RPS15: variants seen among roughly 807,000 people sequenced by gnomAD.
RPS15 encodes the protein ribosomal protein S15.
Under a neutral mutation model 14.9 loss-of-function variants are expected in RPS15, and 5 were observed. The ratio of observed to expected loss-of-function variants is 0.34; its 90% CI spans 0.18 to 0.70. The LOEUF (loss-of-function observed/expected upper bound fraction) is 0.70. Among genes scored for constraint, RPS15 ranks in the 30% least tolerant of loss-of-function variants. The probability of loss-of-function intolerance (pLI) is 0.65; values close to 1 mark genes in which losing one functional copy is unlikely to be tolerated. For synonymous variants in RPS15, 103 were observed against 85.0 expected (o/e 1.21, Z -1.16); for missense variants, 102 against 204.2 (o/e 0.50, Z 3.05).
intron 2 of RPS15, 113 bp downstream of exon 2, chr19:1,439,005 TC>T (rs2083631847): frequency 4.8e-6 from 4 of 829,164 alleles, no homozygotes; most frequent in Non-Finnish European, 7.4e-6. Context: ...GCGGGCACGG[TC>T]TCCGCGCGGG....
Position 1,440,044 on chromosome 19 carries a change from G to A in RPS15, c.115G>A (p.Ala39Thr). 6.4e-7 allele frequency: 1 copy of A among 1,555,206 alleles called. No individual in the cohort carries two copies. The highest frequency in any genetic ancestry group is 8.7e-7 in the Non-Finnish European group (1 of 1,150,360). The change falls in exon 3 of 4, where the codon GCG becomes ACG. Residue 39 changes from alanine to threonine, a missense_variant. Ala to Thr is a moderately conservative substitution (Grantham distance 58, BLOSUM62 0). Transcript: ENST00000592588. Reference protein sequence around the residue: ...SYEQLMQLYSARQRRRLNRGL... With the variant: ...SYEQLMQLYSTRQRRRLNRGL... ...CGAGCAGCTGATGCAGCTGTACAGT[G>A]CGCGCCAGCGGCGGCGGCTGAACCG...
rs781757829 is a variant in RPS15 at position 1,438,502 on chromosome 19, C to T, written c.3+74C>T. ...CCAACCTCTGACCGTCTCGCGGGGGCCGCAGTTCGTCCCCGCGGCTACGGC... is the reference window on the plus strand; with the variant it reads ...CCAACCTCTGACCGTCTCGCGGGGGTCGCAGTTCGTCCCCGCGGCTACGGC... On this transcript the variant is annotated intron_variant, in intron 1 of 3. Coordinates refer to ENST00000592588, the MANE Select transcript of RPS15 (RefSeq NM_001018.5). The surrounding 1 kb of genome is among the most constrained non-coding windows in gnomAD (Gnocchi z 4.8). 1.1e-5 allele frequency: 17 copies of T among 1,611,024 alleles called. No individual in the cohort carries two copies. Among genetic ancestry groups the T allele is most frequent in the Non-Finnish European group, 1.4e-5 (16 of 1,179,024 alleles).
In RPS15 at chr19:1,438,989, C is replaced by G; in HGVS notation, c.89+97C>G. The G allele has an allele frequency of 6.4e-5, 36 of 564,178 alleles. No homozygotes were observed. The highest frequency in any genetic ancestry group is 1.0e-4 in the Non-Finnish European group (33 of 331,026). 34.9% of individuals were successfully genotyped at this position (564,178 alleles called of 1,614,324 possible). A position where few individuals can be genotyped will look rare whatever the true frequency, so the allele number is the denominator to read the frequency against. ...GGCGGGGGTCCAAGCGCCTCTGCGG[C>G]GGTGGGCGGGCACGGTCTCCGCGCG... On this transcript the variant is annotated intron_variant, in intron 2 of 3. Coordinates refer to ENST00000592588, the MANE Select transcript of RPS15 (RefSeq NM_001018.5). The surrounding 1 kb of genome is among the most constrained non-coding windows in gnomAD (Gnocchi z 4.8).
At position 1,440,042 on chromosome 19, in the gene RPS15, G is replaced by C. The variant is rs1317965614; in HGVS notation, c.113G>C (p.Ser38Thr). ...MSYEQLMQLY[S>T]ARQRRRLNRG... ...AGCGAGCAGCTGATGCAGCTGTACA[G>C]TGCGCGCCAGCGGCGGCGGCTGAAC... The change falls in exon 3 of 4, where the codon AGT becomes ACT. Residue 38 changes from serine to threonine, a missense_variant. By Grantham distance (58) the Ser-to-Thr change is moderately conservative. Transcript: ENST00000592588. The C allele has an allele frequency of 1.3e-6, 2 of 1,554,876 alleles. No individual in the cohort carries two copies. Among genetic ancestry groups the C allele is most frequent in the Admixed American group, 3.9e-5 (2 of 51,180 alleles).
rs143956571 is a variant in RPS15 at position 1,439,209 on chromosome 19, C to G, written c.89+317C>G. ...TAGATTTTAAGGGCGGTGGAGGTCG[C>G]TGGGTCCTTTCCAGGCAGGGTGGTG... On this transcript the variant is annotated intron_variant, in intron 2 of 3. Transcript: ENST00000592588. 1.8e-3 allele frequency: 640 copies of G among 353,272 alleles called. 8 individuals carry two copies. In the East Asian group the frequency reaches 0.019, roughly 11 times the overall value. 21.9% of individuals were successfully genotyped at this position (353,272 alleles called of 1,614,324 possible). A position where few individuals can be genotyped will look rare whatever the true frequency, so the allele number is the denominator to read the frequency against.
Position 1,438,816 on chromosome 19 carries a change from G to C in RPS15, c.13G>C (p.Glu5Gln). The C allele has an allele frequency of 6.3e-7, 1 of 1,593,982 alleles. No homozygotes were observed. Among genetic ancestry groups the C allele is most frequent in the East Asian group, 2.3e-5 (1 of 43,850 alleles). Residue 5 changes from glutamate (E) to glutamine (Q), a missense_variant, in exon 2 of 4, where the codon GAG (glutamate) becomes CAG (glutamine). Glu to Gln is a conservative substitution (Grantham distance 29, BLOSUM62 2). This residue lies in a region of RPS15 where 70 missense variants were observed against 96.8 expected (regional missense o/e 0.72). Coordinates refer to ENST00000592588, the MANE Select transcript of RPS15 (RefSeq NM_001018.5). The surrounding 1 kb of genome is among the most constrained non-coding windows in gnomAD (Gnocchi z 4.8). ...ATCCGCGCCCGCACAGGCAGAAGTA[G>C]AGCAGAAGAAGAAGCGGACCTTCCG... The part of the protein sequence containing the change: MAEV[E>Q]QKKKRTFRKF...
rs746748321 is a variant in RPS15, at chr19:1,438,697, C to T, written c.4-110C>T. On this transcript the variant is annotated intron_variant, in intron 1 of 3. Coordinates refer to ENST00000592588, the MANE Select transcript of RPS15 (RefSeq NM_001018.5). This position sits in a 1 kb window ranked among gnomAD's most constrained non-coding sequence, Gnocchi z 4.8. ...ACGGGTCGAAGCGGTGTGTCCCTGT[C>T]GGGCTTCTGTCCCCGGCGGCGCCGC... 71 of 1,531,398 alleles carry T rather than the reference C, an allele frequency of 4.6e-5. No homozygotes were observed. In the African/African-American group the frequency reaches 8.3e-4, roughly 18 times the overall value. The allele number at this position is 1,531,398 out of a possible 1,614,324, so 94.9% of individuals were successfully genotyped here.
chr19:1,438,710 C>CCAG lies in RPS15; in HGVS notation c.4-96_4-95insAGC. 6.5e-7 allele frequency: 1 copy of CCAG among 1,534,924 alleles called. No homozygotes were observed. The highest frequency in any genetic ancestry group is 1.2e-5 in the South Asian group (1 of 83,684). On this transcript the variant is annotated intron_variant, in intron 1 of 3. Coordinates refer to ENST00000592588, the MANE Select transcript of RPS15 (RefSeq NM_001018.5). This position sits in a 1 kb window ranked among gnomAD's most constrained non-coding sequence, Gnocchi z 4.8. ...GTGTGTCCCTGTCGGGCTTCTGTCCCCGGCGGCGCCGCGCGTCTTCCGCGG... is the reference window on the plus strand; with the variant it reads ...GTGTGTCCCTGTCGGGCTTCTGTCCCCAGCGGCGGCGCCGCGCGTCTTCCGCGG...
Position 1,438,915 on chromosome 19 carries a change from C to G in RPS15, c.89+23C>G. 4 of 1,487,296 alleles carry G rather than the reference C, an allele frequency of 2.7e-6. No individual in the cohort carries two copies. Among genetic ancestry groups the G allele is most frequent in the Non-Finnish European group, 3.6e-6 (4 of 1,108,578 alleles). 92.1% of individuals were successfully genotyped at this position (1,487,296 alleles called of 1,614,324 possible). ...CTAGTAAGGGCGGCCGCGGGGGTCG[C>G]GGGCAGGGGCTGGGCCAGCGGTGGG... On this transcript the variant is annotated intron_variant, in intron 2 of 3. Coordinates refer to ENST00000592588, the MANE Select transcript of RPS15 (RefSeq NM_001018.5). This position sits in a 1 kb window ranked among gnomAD's most constrained non-coding sequence, Gnocchi z 4.8.
chr19:1,438,409 T>A lies in RPS15; in HGVS notation c.-17T>A. On this transcript the variant is annotated 5_prime_UTR_variant, in exon 1 of 4. Transcript: ENST00000592588. This position sits in a 1 kb window ranked among gnomAD's most constrained non-coding sequence, Gnocchi z 4.8. ...GCAGGCGCGGACCAAAGCGATCTCT[T>A]CTGAGGATCCGGCAAGATGGTGAGT... is the stretch of plus-strand genomic sequence containing the variant. 1 of 1,613,418 alleles carries A rather than the reference T, an allele frequency of 6.2e-7. No homozygotes were observed. Among genetic ancestry groups the A allele is most frequent in the African/African-American group, 1.3e-5 (1 of 75,048 alleles).
At position 1,438,599 on chromosome 19, in the gene RPS15, C is replaced by T. The variant is rs751870134; in HGVS notation, c.3+171C>T. 1 of 1,544,002 alleles carries T rather than the reference C, an allele frequency of 6.5e-7. No homozygotes were observed. The highest frequency in any genetic ancestry group is 8.8e-7 in the Non-Finnish European group (1 of 1,142,166). ...GGACTTGGTGGGTGTCGGGACGACG[C>T]GGGGCTGGGAAGGCCTGTCCGGGCC... On this transcript the variant is annotated intron_variant, in intron 1 of 3. Transcript: ENST00000592588. This position sits in a 1 kb window ranked among gnomAD's most constrained non-coding sequence, Gnocchi z 4.8.
Position 1,438,614 on chromosome 19 carries a change from C to T in RPS15, c.3+186C>T, listed in dbSNP as rs2083627349. Reference sequence around the variant, plus strand: ...CGGGACGACGCGGGGCTGGGAAGGCCTGTCCGGGCCTTCATGTCCGGGTCC... The same window carrying T: ...CGGGACGACGCGGGGCTGGGAAGGCTTGTCCGGGCCTTCATGTCCGGGTCC... On this transcript the variant is annotated intron_variant, in intron 1 of 3. Transcript: ENST00000592588. The surrounding 1 kb of genome is among the most constrained non-coding windows in gnomAD (Gnocchi z 4.8). 3 of 1,535,532 alleles carry T rather than the reference C, an allele frequency of 2.0e-6. No individual in the cohort carries two copies. The highest frequency in any genetic ancestry group is 3.4e-4 in the Middle Eastern group (2 of 5,928).
At chr19:1,439,051 T>G in intron 2 of RPS15, 159 bp downstream of exon 2, 1 of 619,386 alleles carries the variant, frequency 1.6e-6, no homozygotes, top group South Asian at 2.1e-5. Flanking sequence ...CCCAGAAAAC[T>G]GTCCAGAGAC....
rs573036315 is a variant in RPS15 at position 1,439,555 on chromosome 19, G to A, written c.90-464G>A. 118 of 298,740 alleles carry A rather than the reference G, an allele frequency of 3.9e-4. 2 individuals carry two copies. The South Asian group carries it at 4.7e-3, about 12-fold the overall frequency. 18.5% of individuals were successfully genotyped at this position (298,740 alleles called of 1,614,324 possible). Reference sequence around the variant, plus strand: ...GATTACAGGCGTGAACACCGCGCCCGACCTTGATTTTTGATTATTTGTGGA... The same window carrying A: ...GATTACAGGCGTGAACACCGCGCCCAACCTTGATTTTTGATTATTTGTGGA... On this transcript the variant is annotated intron_variant, in intron 2 of 3. Transcript: ENST00000592588.
chr19:1,439,776 CTTG>C (rs924576006), intron 2 of RPS15: 9 of 616,900 alleles, frequency 1.5e-5, no homozygotes, highest in Non-Finnish European at 2.6e-5. Context: ...CTCCGGGCCG[CTTG>C]TTCTCTCTGA....
Position 1,438,414 on chromosome 19 carries a change from G to A in RPS15, c.-12G>A, listed in dbSNP as rs764856204. 15 of 1,613,356 alleles carry A rather than the reference G, an allele frequency of 9.3e-6. No homozygotes were observed. The highest frequency in any genetic ancestry group is 4.4e-5 in the South Asian group (4 of 91,090). On this transcript the variant is annotated 5_prime_UTR_variant, in exon 1 of 4. Coordinates refer to ENST00000592588, the MANE Select transcript of RPS15 (RefSeq NM_001018.5). This position sits in a 1 kb window ranked among gnomAD's most constrained non-coding sequence, Gnocchi z 4.8. ...CGCGGACCAAAGCGATCTCTTCTGA[G>A]GATCCGGCAAGATGGTGAGTGTTGC...
Position 1,438,434 on chromosome 19 carries a change from T to C in RPS15, c.3+6T>C, listed in dbSNP as rs1372835911. The C allele has an allele frequency of 1.2e-6, 2 of 1,613,128 alleles. No homozygotes were observed. The highest frequency in any genetic ancestry group is 2.7e-5 in the African/African-American group (2 of 74,872). ...TCTGAGGATCCGGCAAGATGGTGAG[T>C]GTTGCGATTTGGCGCGTCTCTGCCG... On this transcript the variant is annotated splice_donor_region_variant and intron_variant, in intron 1 of 3. Coordinates refer to ENST00000592588, the MANE Select transcript of RPS15 (RefSeq NM_001018.5). This position sits in a 1 kb window ranked among gnomAD's most constrained non-coding sequence, Gnocchi z 4.8.
intron 2 of RPS15, chr19:1,439,738 G>C: frequency 1.7e-6 from 1 of 601,812 alleles, no homozygotes; most frequent in South Asian, 2.0e-5. Flanking sequence ...CGAGCTGTAC[G>C]CTGCAGCACC....
At chr19:1,439,825 G>A (rs1274711046) in intron 2 of RPS15, 194 bp from the exon 3 acceptor site, 2 of 637,246 alleles carry the variant, frequency 3.1e-6, no homozygotes, top group Non-Finnish European at 5.7e-6. Flanking sequence ...TGCATGTGAG[G>A]GGTGAGTCGC....
Sources: allele counts gnomAD v4.1 joint callset, GRCh38; gene constraint gnomAD v4.1.1; regional missense constraint gnomAD v4.1.1; non-coding constraint Gnocchi (gnomAD v3.1); transcripts MANE v1.5; gene names NCBI Gene and HGNC (gene_info 2026-07-23, HGNC 2026-07-21).